FGD5: variants seen among roughly 807,000 people sequenced by gnomAD.
FGD5 encodes FYVE, RhoGEF and PH domain containing 5.
A neutral mutation model predicts 133.4 loss-of-function variants in FGD5; 28 were observed. The ratio of observed to expected loss-of-function variants is 0.21; its 90% CI spans 0.16 to 0.29. The LOEUF is 0.29. FGD5 is among the 10% of genes least tolerant of loss of function. The pLI is 1.00. For synonymous variants in FGD5, 810 were observed against 776.5 expected, an observed-to-expected ratio of 1.04 and a Z score of -0.72; for missense variants, 1,858 against 1,895.2, an observed-to-expected ratio of 0.98 and a Z score of 0.36.
At chr3:14,841,862 C>T (rs776225744) in intron 1 of FGD5, among the ~76,000 whole-genome samples, 2 of 152,222 alleles carry the variant, frequency 1.3e-5, no homozygotes, top group African/African-American at 4.8e-5. Context: ...CCCACCTTCT[C>T]TCCCAGGGTG....
intron 4 of FGD5, among the ~76,000 whole-genome samples, chr3:14,895,444 C>T (rs2038118163): frequency 5.3e-5 from 8 of 152,134 alleles, no homozygotes; most frequent in Admixed American, 5.2e-4. Context: ...TTTCCGAGCA[C>T]CATTTATGGA....
intron 1 of FGD5, among the ~76,000 whole-genome samples, chr3:14,863,176 ATTTGGTAAGGAT>A (rs1456702039): frequency 6.6e-6 from 1 of 152,196 alleles, no homozygotes; most frequent in African/African-American, 2.4e-5. Context: ...GGGCAGGAGT[ATTTGGTAAGGAT>A]TTAATAAGAC....
chr3:14,846,550 G>T (rs1392125789), intron 1 of FGD5, among the ~76,000 whole-genome samples: 1 of 152,224 alleles, frequency 6.6e-6, no homozygotes, highest in Non-Finnish European at 1.5e-5. Context: ...CCGGCCACAG[G>T]CCTCAGAAAC....
chr3:14,867,564 C>T (rs1375282308), intron 2 of FGD5, among the ~76,000 whole-genome samples: 2 of 152,156 alleles, frequency 1.3e-5, no homozygotes, highest in Admixed American at 1.3e-4. Flanking sequence ...TGTGACAGTC[C>T]CCCAAGAGGC....
intron 10 of FGD5, among the ~76,000 whole-genome samples, 195 bp downstream of exon 10, chr3:14,907,906 AC>A (rs911881182): frequency 2.3e-4 from 35 of 152,092 alleles, no homozygotes; most frequent in African/African-American, 8.2e-4. Context: ...GGGGTTCTCC[AC>A]CCCATGTGTT....
In FGD5 at chr3:14,900,975, C is replaced by T. The variant is rs529751510; in HGVS notation, c.3206-28C>T. ...AAATTGATGCCCCTCTTGCAATGGC[C>T]CAACTCCTGCTCTGTGTCCCTCCCC... On this transcript the variant is annotated intron_variant, in intron 8 of 19. Coordinates refer to ENST00000285046, the MANE Select transcript of FGD5 (RefSeq NM_152536.4). 4.3e-6 allele frequency: 7 copies of T among 1,613,886 alleles called. No homozygotes were observed. The African/African-American group carries it at 9.3e-5, about 22-fold the overall frequency.
chr3:14,910,966 C>G, intron 11 of FGD5, 37 bp downstream of exon 11: 1 of 1,589,836 alleles, frequency 6.3e-7, no homozygotes, highest in East Asian at 2.3e-5. Context: ...TCAGGAACTG[C>G]CAAGTTCTAT....
intron 4 of FGD5, among the ~76,000 whole-genome samples, chr3:14,894,345 T>C (rs1286311961): frequency 6.6e-6 from 1 of 152,190 alleles, no homozygotes; most frequent in Non-Finnish European, 1.5e-5. Context: ...ATTTTCTTTA[T>C]CCATTCATCT....
At chr3:14,845,711 A>G (rs1005360165) in intron 1 of FGD5, among the ~76,000 whole-genome samples, 4 of 152,186 alleles carry the variant, frequency 2.6e-5, no homozygotes, top group African/African-American at 9.7e-5. Flanking sequence ...TGGGCTTCAT[A>G]GTCATCCCCC....
rs768357839 is a variant in FGD5, at chr3:14,900,414, A to G, written c.3166A>G (p.Asn1056Asp). 6.2e-7 allele frequency: 1 copy of G among 1,613,554 alleles called. No homozygotes were observed. Among genetic ancestry groups the G allele is most frequent in the South Asian group, 1.1e-5 (1 of 90,892 alleles). Residue 1056 changes from asparagine to aspartate, a missense_variant, in exon 8 of 20, where the codon AAC (asparagine) becomes GAC (aspartate). Physicochemically the swap from Asn to Asp is conservative, Grantham distance 23. Transcript: ENST00000285046. The part of the protein sequence containing the change: ...YQVLLTDYLN[N>D]LCPDSAEYDN... ...TATCCTGCCAACAGACTATTTAAAC[A>G]ACCTTTGTCCGGACTCCGCCGAGTA...
At chr3:14,887,240 C>G (rs1363382318) in intron 4 of FGD5, among the ~76,000 whole-genome samples, 2 of 152,148 alleles carry the variant, frequency 1.3e-5, no homozygotes, top group African/African-American at 2.4e-5. Flanking sequence ...ACTCTGAGCT[C>G]CTTGAGGGCA....
At chr3:14,929,990 T>G (rs2038877283) in intron 18 of FGD5, among the ~76,000 whole-genome samples, 1 of 152,260 alleles carries the variant, frequency 6.6e-6, no homozygotes, top group South Asian at 2.1e-4. Context: ...TTTTAGCTTT[T>G]ACTTCTAGGT....
At chr3:14,848,430 G>A (rs918156287) in intron 1 of FGD5, among the ~76,000 whole-genome samples, 2 of 151,918 alleles carry the variant, frequency 1.3e-5, no homozygotes, top group African/African-American at 4.8e-5. Flanking sequence ...GTAACTTGCT[G>A]CAGCCTTAAC....
Position 14,932,792 on chromosome 3 carries a change from TCTTGGGG to T in FGD5, c.4352+65_4352+71del, listed in dbSNP as rs1402150565. The T allele has an allele frequency of 1.6e-4, 245 of 1,570,096 alleles. 1 individual carries two copies. The highest frequency in any genetic ancestry group is 2.2e-5 in the Non-Finnish European group (26 of 1,158,710). On this transcript the variant is annotated intron_variant, in intron 19 of 19. Coordinates refer to ENST00000285046, the MANE Select transcript of FGD5 (RefSeq NM_152536.4). ...TTCTCTCAGAAGGCAACAAGTTGTT[TCTTGGGG>T]CTTTGGCTTCTGTTCTGCTCCATTC...
intron 4 of FGD5, among the ~76,000 whole-genome samples, chr3:14,881,008 G>A (rs990895015): frequency 6.6e-6 from 1 of 152,206 alleles, no homozygotes; most frequent in Non-Finnish European, 1.5e-5. Context: ...ATGGTCTGAG[G>A]TTTTGTGCAG....
intron 1 of FGD5, among the ~76,000 whole-genome samples, chr3:14,812,717 T>C (rs1460040812): frequency 6.6e-6 from 1 of 152,236 alleles, no homozygotes; most frequent in African/African-American, 2.4e-5. Context: ...ATCATATGCT[T>C]AGTTATGTGA....
At chr3:14,837,914 C>T (rs1687300) in intron 1 of FGD5, among the ~76,000 whole-genome samples, 6,515 of 152,286 alleles carry the variant, frequency 0.043, 247 homozygotes, top group East Asian at 0.15. Flanking sequence ...CCGTTGCTGC[C>T]ATGGCAATTT....
At chr3:14,869,016 CA>C (rs1350274748) in intron 2 of FGD5, among the ~76,000 whole-genome samples, 1 of 152,108 alleles carries the variant, frequency 6.6e-6, no homozygotes, top group African/African-American at 2.4e-5. Context: ...AACTGGCAGC[CA>C]GGCACGGTGG....
chr3:14,850,216 T>A (rs1266242159), intron 1 of FGD5, among the ~76,000 whole-genome samples: 2 of 152,094 alleles, frequency 1.3e-5, no homozygotes, highest in African/African-American at 4.8e-5. Flanking sequence ...TGGAGTTAGG[T>A]GCTCAGGACC....
Sources: allele counts gnomAD v4.1 joint callset (sites outside exome capture counted in the v4.1 genomes callset), GRCh38; gene constraint gnomAD v4.1.1; transcripts MANE v1.5; gene names NCBI Gene and HGNC (gene_info 2026-07-23, HGNC 2026-07-21).